Variants in MARK1 observed in about 807,000 individuals in gnomAD.
MARK1 encodes the protein serine/threonine-protein kinase MARK1.
MARK1 carries 40 observed loss-of-function variants against 96.3 expected under a neutral mutation model. The observed-to-expected ratio is 0.42, with a 90% CI of 0.32 to 0.54. The LOEUF (loss-of-function observed/expected upper bound fraction) is 0.54. MARK1 is among the 20% of genes least tolerant of loss of function. MARK1 has a pLI of 0.16. For synonymous variants in MARK1, 317 were observed against 341.2 expected (o/e 0.93, Z 0.78); for missense variants, 719 against 984.6 (o/e 0.73, Z 3.61).
At chr1:220,543,050 A>AGAT (rs1661252728) in intron 1 of MARK1, among the ~76,000 whole-genome samples, 3 of 152,204 alleles carry the variant, frequency 2.0e-5, no homozygotes, top group Non-Finnish European at 4.4e-5. Context: ...TTTTGAAATC[A>AGAT]TTTGTTACAA....
At chr1:220,544,686 T>G (rs143630648) in intron 1 of MARK1, among the ~76,000 whole-genome samples, 21 of 152,352 alleles carry the variant, frequency 1.4e-4, no homozygotes, top group African/African-American at 5.1e-4. Flanking sequence ...GAAAGTGTTA[T>G]TTAATACTGT....
intron 6 of MARK1, among the ~76,000 whole-genome samples, chr1:220,608,406 T>C (rs1446576115): frequency 6.6e-6 from 1 of 152,240 alleles, no homozygotes; most frequent in African/African-American, 2.4e-5. Flanking sequence ...TGATATCCCC[T>C]TTATCATTTT....
At chr1:220,591,346 C>T (rs980696584) in intron 3 of MARK1, among the ~76,000 whole-genome samples, 3 of 152,066 alleles carry the variant, frequency 2.0e-5, no homozygotes, top group Non-Finnish European at 2.9e-5. Flanking sequence ...ATGTCCCAGC[C>T]GATTCTAAGA....
In MARK1 at chr1:220,528,557, C is replaced by T. The variant is rs1660070903; in HGVS notation, c.-266C>T. 8.7e-6 allele frequency: 4 copies of T among 459,404 alleles called. No homozygotes were observed. Among genetic ancestry groups the T allele is most frequent in the Non-Finnish European group, 1.1e-5 (3 of 261,746 alleles). The allele number at this position is 459,404 out of a possible 1,614,324, so 28.5% of individuals were successfully genotyped here. On this transcript the variant is annotated 5_prime_UTR_variant, in exon 1 of 18. Transcript: ENST00000366917. Reference sequence around the variant, plus strand: ...GCCAGCCTCGCCGCCCCGCCAGCGCCGGGCAACCGCCTCGCCCGAAGCCCT... The same window carrying T: ...GCCAGCCTCGCCGCCCCGCCAGCGCTGGGCAACCGCCTCGCCCGAAGCCCT...
chr1:220,557,085 T>C (rs1572075124), intron 1 of MARK1, among the ~76,000 whole-genome samples: 1 of 152,078 alleles, frequency 6.6e-6, no homozygotes, highest in East Asian at 1.9e-4. Flanking sequence ...TAAAAGGAGA[T>C]TCATACCTAT....
In MARK1 at chr1:220,587,332, TCTC is replaced by T. The variant is rs1664704434; in HGVS notation, c.309+6215_309+6217del. On this transcript the variant is annotated intron_variant, in intron 3 of 17. Transcript: ENST00000366917. ...CCCTCCCTCTCTCTCTCTTTCTTTCTCTCTCTCTCTCTCTCTCTCTGTCTCTCT... is the reference window on the plus strand; with the variant it reads ...CCCTCCCTCTCTCTCTCTTTCTTTCTTCTCTCTCTCTCTCTCTGTCTCTCT... Among the ~76,000 whole-genome samples the T allele has an allele frequency of 1.2e-4, 3 of 25,540 alleles. No homozygotes were observed. In the East Asian group the frequency reaches 3.2e-3, roughly 27 times the overall value. 16.8% of individuals were successfully genotyped at this position (25,540 alleles called of 152,430 possible).
intron 11 of MARK1, 147 bp from the exon 12 acceptor site, chr1:220,635,229 T>C (rs954381637): frequency 2.1e-4 from 149 of 695,100 alleles, no homozygotes; most frequent in Non-Finnish European, 6.2e-5. Flanking sequence ...CAACTTAAAG[T>C]TCTAGGCCCA....
At chr1:220,576,456 A>T (rs1218704411) in intron 1 of MARK1, among the ~76,000 whole-genome samples, 2 of 151,952 alleles carry the variant, frequency 1.3e-5, no homozygotes, top group Non-Finnish European at 2.9e-5. Flanking sequence ...CTAAACCCAA[A>T]GAGTGGGAAA....
rs1558335353 is a variant in MARK1 at position 220,663,896 on chromosome 1, A to C, written c.*1730A>C. 1 of 152,612 alleles carries C rather than the reference A, an allele frequency of 6.6e-6. No individual in the cohort carries two copies. Among genetic ancestry groups the C allele is most frequent in the African/African-American group, 2.4e-5 (1 of 41,440 alleles). 9.5% of individuals were successfully genotyped at this position (152,612 alleles called of 1,614,324 possible). A position where few individuals can be genotyped will look rare whatever the true frequency, so the allele number is the denominator to read the frequency against. On this transcript the variant is annotated 3_prime_UTR_variant, in exon 18 of 18. Coordinates refer to ENST00000366917, the MANE Select transcript of MARK1 (RefSeq NM_018650.5). ...GTGCACACTGAAATTTTACTTGAAC[A>C]GTTCTCATAATAAAGCACTTGTCTT...
At chr1:220,571,964 C>G (rs1208931040) in intron 1 of MARK1, 1 of 152,242 alleles carries the variant, frequency 6.6e-6, no homozygotes, top group East Asian at 1.9e-4. Context: ...GCCCAGAACT[C>G]TTGGGCTCAA....
At chr1:220,612,874 C>T (rs1666528017) in intron 6 of MARK1, among the ~76,000 whole-genome samples, 1 of 152,082 alleles carries the variant, frequency 6.6e-6, no homozygotes, top group South Asian at 2.1e-4. Flanking sequence ...CACTGAGCAG[C>T]CATTGCCCAT....
At chr1:220,577,568 C>T (rs1451271991) in intron 1 of MARK1, among the ~76,000 whole-genome samples, 1 of 152,146 alleles carries the variant, frequency 6.6e-6, no homozygotes, top group East Asian at 1.9e-4. Context: ...GACCCTACCC[C>T]CAGAGTTTCA....
intron 17 of MARK1, 30 bp downstream of exon 17, chr1:220,657,864 T>C (rs1235506873): frequency 1.0e-5 from 15 of 1,497,204 alleles, no homozygotes; most frequent in Non-Finnish European, 1.2e-5. Flanking sequence ...ACTTCGCTGC[T>C]AGGTCCCTGT....
intron 1 of MARK1, 102 bp from the exon 2 acceptor site, chr1:220,579,252 T>C: frequency 1.2e-6 from 1 of 817,472 alleles, no homozygotes; most frequent in Non-Finnish European, 2.0e-6. Context: ...GTGCAATATG[T>C]TTTTATTGAA....
intron 1 of MARK1, among the ~76,000 whole-genome samples, chr1:220,572,683 A>G (rs564851385): frequency 3.3e-5 from 5 of 152,170 alleles, no homozygotes; most frequent in African/African-American, 1.2e-4. Flanking sequence ...GAACAGTCAT[A>G]TGTCTTTTAA....
intron 1 of MARK1, among the ~76,000 whole-genome samples, chr1:220,566,140 A>G (rs2102793343): frequency 6.6e-6 from 1 of 152,316 alleles, no homozygotes; most frequent in East Asian, 1.9e-4. Flanking sequence ...AATGTCTAAA[A>G]AAGCATTCAA....
At chr1:220,565,822 G>A (rs1663009579) in intron 1 of MARK1, among the ~76,000 whole-genome samples, 1 of 152,146 alleles carries the variant, frequency 6.6e-6, no homozygotes, top group South Asian at 2.1e-4. Context: ...TCTGGCACAA[G>A]GGGCAGAGCC....
intron 1 of MARK1, among the ~76,000 whole-genome samples, chr1:220,555,272 C>T (rs1026011253): frequency 6.6e-6 from 1 of 152,192 alleles, no homozygotes; most frequent in Non-Finnish European, 1.5e-5. Flanking sequence ...AAATCTATTA[C>T]ATAATCATCC....
intron 1 of MARK1, among the ~76,000 whole-genome samples, chr1:220,572,850 T>A (rs1025565528): frequency 2.5e-4 from 38 of 152,350 alleles, no homozygotes; most frequent in African/African-American, 8.4e-4. Flanking sequence ...TGGCAACAAA[T>A]TCTTTCAGTT....
Sources: allele counts gnomAD v4.1 joint callset (sites outside exome capture counted in the v4.1 genomes callset), GRCh38; gene constraint gnomAD v4.1.1; transcripts MANE v1.5; gene names NCBI Gene and HGNC (gene_info 2026-07-23, HGNC 2026-07-21).